Variants in RPA3 observed in about 807,000 individuals in gnomAD.
RPA3 encodes the protein replication protein A3, also known as replication protein A 14 kDa subunit.
Under a neutral mutation model 13.7 loss-of-function variants are expected in RPA3, and 24 were observed. The observed-to-expected ratio is 1.75, with a 90% CI of 1.27 to 2.46. RPA3 has a LOEUF of 2.46. Among genes scored for constraint, RPA3 ranks in the 30% most tolerant of loss-of-function variants. The pLI is 0.00. For synonymous variants in RPA3, 59 were observed against 51.2 expected, an observed-to-expected ratio of 1.15 and a Z score of -0.65; for missense variants, 183 against 151.0, an observed-to-expected ratio of 1.21 and a Z score of -1.11.
chr7:7,684,526 T>C (rs1352026927), intron 4 of RPA3, among the ~76,000 whole-genome samples: 1 of 152,138 alleles, frequency 6.6e-6, no homozygotes, highest in Admixed American at 6.6e-5. Flanking sequence ...GCAATTTTTT[T>C]TTCTGAATAA....
intron 4 of RPA3, among the ~76,000 whole-genome samples, chr7:7,681,300 T>A (rs1779906998): frequency 6.6e-6 from 1 of 152,138 alleles, no homozygotes; most frequent in South Asian, 2.1e-4. Flanking sequence ...AGGTTTTAGG[T>A]CACAATTATT....
At chr7:7,717,500 A>G (rs976077419) in intron 1 of RPA3, among the ~76,000 whole-genome samples, 3 of 152,342 alleles carry the variant, frequency 2.0e-5, no homozygotes, top group South Asian at 2.1e-4. Context: ...ACTTTATTAA[A>G]TGAATATGAT....
chr7:7,717,063 T>TC (rs1780931011), intron 1 of RPA3, among the ~76,000 whole-genome samples: 1 of 149,914 alleles, frequency 6.7e-6, no homozygotes, highest in African/African-American at 2.5e-5. Context: ...TTTTTTTCTT[T>TC]TTTTTTTTTT....
At chr7:7,710,830 C>G (rs1780739702) in intron 2 of RPA3, among the ~76,000 whole-genome samples, 1 of 152,108 alleles carries the variant, frequency 6.6e-6, no homozygotes, top group Non-Finnish European at 1.5e-5. Flanking sequence ...TATGGTATAT[C>G]TATATCATGG....
chr7:7,708,324 A>C (rs1348555417), intron 2 of RPA3, among the ~76,000 whole-genome samples: 1 of 152,204 alleles, frequency 6.6e-6, no homozygotes, highest in Non-Finnish European at 1.5e-5. Context: ...TGAATAAGCT[A>C]CTTGTAGACG....
intron 4 of RPA3, among the ~76,000 whole-genome samples, chr7:7,667,911 C>T (rs1375568836): frequency 1.3e-5 from 2 of 152,060 alleles, no homozygotes; most frequent in Non-Finnish European, 2.9e-5. Context: ...CAATACTTAA[C>T]CTAGTTTTTC....
intron 4 of RPA3, among the ~76,000 whole-genome samples, chr7:7,666,384 T>C (rs1779457499): frequency 6.6e-6 from 1 of 151,972 alleles, no homozygotes; most frequent in African/African-American, 2.4e-5. Context: ...TTGTATTTTT[T>C]TGTAGTAGAG....
rs1437060230 is a variant in RPA3 at position 7,640,600 on chromosome 7, G to A, written c.-182C>T. ...GCTGTCTCTGAAAGGGGTGGAGAAG[G>A]GGCTGGATGAGTCCGGAAGTGGAGA... On this transcript the variant is annotated 5_prime_UTR_variant, in exon 5 of 8. Transcript: ENST00000223129. 4 of 613,916 alleles carry A rather than the reference G, an allele frequency of 6.5e-6. No individual in the cohort carries two copies. The highest frequency in any genetic ancestry group is 1.2e-5 in the Non-Finnish European group (4 of 345,366). The allele number at this position is 613,916 out of a possible 1,614,324, so 38.0% of individuals were successfully genotyped here. A position where few individuals can be genotyped will look rare whatever the true frequency, so the allele number is the denominator to read the frequency against.
At chr7:7,673,237 A>T in intron 4 of RPA3, 1 of 915,830 alleles carries the variant, frequency 1.1e-6, no homozygotes, top group Admixed American at 2.0e-5. Flanking sequence ...GTTATGCTGA[A>T]CTTTTTGCTA....
intron 2 of RPA3, among the ~76,000 whole-genome samples, chr7:7,702,942 C>T (rs970577265): frequency 2.0e-5 from 3 of 152,198 alleles, no homozygotes; most frequent in Non-Finnish European, 4.4e-5. Context: ...TTTTCACTTG[C>T]GTCATTCTCC....
At chr7:7,691,580 T>C (rs1780172107) in intron 2 of RPA3, among the ~76,000 whole-genome samples, 1 of 152,228 alleles carries the variant, frequency 6.6e-6, no homozygotes, top group Admixed American at 6.5e-5. Flanking sequence ...TTCTTTCTCA[T>C]CTTACGCATT....
At chr7:7,643,003 C>A (rs988069937) in intron 4 of RPA3, among the ~76,000 whole-genome samples, 3 of 152,060 alleles carry the variant, frequency 2.0e-5, no homozygotes, top group African/African-American at 4.8e-5. Context: ...GACGAATGTA[C>A]GTAGATCATA....
intron 4 of RPA3, among the ~76,000 whole-genome samples, chr7:7,643,286 A>G (rs1049249550): frequency 2.6e-5 from 4 of 152,236 alleles, no homozygotes; most frequent in African/African-American, 9.6e-5. Flanking sequence ...TCCACCGGAA[A>G]AAGGAAGGAA....
intron 4 of RPA3, 192 bp from the exon 5 acceptor site, chr7:7,641,367 C>T (rs1449493956): frequency 6.6e-6 from 1 of 152,172 alleles, no homozygotes; most frequent in Non-Finnish European, 1.5e-5. Flanking sequence ...CGTTGTTAGA[C>T]CCCGAGCTAG....
chr7:7,705,595 A>G (rs1316691725), intron 2 of RPA3, among the ~76,000 whole-genome samples: 1 of 152,188 alleles, frequency 6.6e-6, no homozygotes. Flanking sequence ...TAGTATTTCT[A>G]TTATAGGGAT....
chr7:7,671,440 A>G (rs566209828), intron 4 of RPA3, among the ~76,000 whole-genome samples: 21 of 152,324 alleles, frequency 1.4e-4, no homozygotes, highest in African/African-American at 4.8e-4. Context: ...TGAGGTTTTA[A>G]TATCAGCTAT....
chr7:7,641,368 C>A (rs937570416), intron 4 of RPA3, 193 bp from the exon 5 acceptor site: 1 of 152,116 alleles, frequency 6.6e-6, no homozygotes, highest in Non-Finnish European at 1.5e-5. Context: ...GTTGTTAGAC[C>A]CCGAGCTAGG....
chr7:7,642,623 G>T (rs1444000678), intron 4 of RPA3, among the ~76,000 whole-genome samples: 1 of 152,104 alleles, frequency 6.6e-6, no homozygotes, highest in Non-Finnish European at 1.5e-5. Context: ...GTGTATTTTT[G>T]AGTCACTTAA....
chr7:7,661,410 G>A (rs932282031), intron 4 of RPA3, among the ~76,000 whole-genome samples: 4 of 152,254 alleles, frequency 2.6e-5, no homozygotes, highest in Admixed American at 6.5e-5. Flanking sequence ...GGAATTTTCC[G>A]CCTTTTTGCG....
Sources: allele counts gnomAD v4.1 joint callset (sites outside exome capture counted in the v4.1 genomes callset), GRCh38; gene constraint gnomAD v4.1.1; transcripts MANE v1.5; gene names NCBI Gene and HGNC (gene_info 2026-07-23, HGNC 2026-07-21).